The following LMO7 variants were observed in gnomAD, a reference collection of about 807,000 sequenced individuals.
LMO7 encodes the protein LIM domain only protein 7.
A neutral mutation model predicts 206.5 loss-of-function variants in LMO7; 120 were observed. That is an observed-to-expected ratio of 0.58 (90% CI 0.50 to 0.68). LMO7 has a LOEUF of 0.68. Among genes scored for constraint, LMO7 ranks in the 30% least tolerant of loss-of-function variants. The pLI is 0.00. For missense variants in LMO7, 1,959 were observed against 1,957.9 expected (o/e 1.00, Z -0.01); for synonymous variants, 706 against 681.5 (o/e 1.04, Z -0.56).
intron 2 of LMO7, among the ~76,000 whole-genome samples, chr13:75,624,769 G>C (rs1439225753): frequency 6.6e-6 from 1 of 152,128 alleles, no homozygotes; most frequent in Non-Finnish European, 1.5e-5. Flanking sequence ...GCACAAGAAA[G>C]ACCCACTCCC....
intron 1 of LMO7, among the ~76,000 whole-genome samples, chr13:75,712,066 G>T (rs1041986055): frequency 6.6e-6 from 1 of 152,132 alleles, no homozygotes; most frequent in Non-Finnish European, 1.5e-5. Context: ...TAGCTGCAGC[G>T]ATGTTGGGCA....
At chr13:75,856,461 C>T in intron 29 of LMO7, 45 bp from the exon 30 acceptor site, 1 of 1,210,824 alleles carries the variant, frequency 8.3e-7, no homozygotes, top group Non-Finnish European at 1.2e-6. Context: ...CCCAAGCTTT[C>T]TTGAGCTGAC....
intron 3 of LMO7, among the ~76,000 whole-genome samples, chr13:75,733,883 C>T (rs2045538022): frequency 6.6e-6 from 1 of 152,216 alleles, no homozygotes; most frequent in Non-Finnish European, 1.5e-5. Flanking sequence ...TGTTCAGGGT[C>T]ACCTTCTGAA....
chr13:75,699,840 G>C (rs146264612), intron 1 of LMO7, among the ~76,000 whole-genome samples: 24 of 152,270 alleles, frequency 1.6e-4, no homozygotes, highest in African/African-American at 4.8e-4. Flanking sequence ...AATTCGCCAG[G>C]CTGGAATTTC....
intron 12 of LMO7, chr13:75,819,186 C>T: frequency 2.2e-6 from 1 of 455,962 alleles, no homozygotes; most frequent in Non-Finnish European, 3.8e-6. Flanking sequence ...TGGGGTCTAT[C>T]TTATTAGGTC....
chr13:75,698,394 C>T (rs1309040149), intron 1 of LMO7, among the ~76,000 whole-genome samples: 1 of 152,088 alleles, frequency 6.6e-6, no homozygotes, highest in Non-Finnish European at 1.5e-5. Context: ...CTTGAACCTC[C>T]TGGATTCAAG....
intron 26 of LMO7, among the ~76,000 whole-genome samples, chr13:75,848,750 T>A (rs755716068): frequency 6.6e-6 from 1 of 152,226 alleles, no homozygotes; most frequent in Non-Finnish European, 1.5e-5. Context: ...TATAATGACA[T>A]CTTTTCCTCC....
At chr13:75,678,118 T>C (rs938104048) in intron 1 of LMO7, among the ~76,000 whole-genome samples, 1 of 152,160 alleles carries the variant, frequency 6.6e-6, no homozygotes, top group African/African-American at 2.4e-5. Context: ...TGCATGTGTC[T>C]TTATAGCAGC....
At position 75,805,531 on chromosome 13, in the gene LMO7, G is replaced by T. The variant is rs1231989806; in HGVS notation, c.967G>T (p.Gly323Ter). 6.8e-6 allele frequency: 11 copies of T among 1,613,876 alleles called. No individual in the cohort carries two copies. The South Asian group carries it at 1.2e-4, about 18-fold the overall frequency. Residue 323 changes from glycine to a stop codon, truncating the protein, a stop_gained, in exon 9 of 31, where the codon GGA becomes TGA. Transcript: ENST00000377534. LOFTEE classifies it high-confidence loss of function. ...TNVENWPTVQ[G>*]TSKSSCYLEE... is the part of the protein sequence containing the mutation. ...TGTGGAGAACTGGCCAACTGTACAA[G>T]GAACTTCAAAGTCCTCTTGTTATTT... is the stretch of plus-strand genomic sequence containing the variant.
chr13:75,804,938 C>T, intron 8 of LMO7: 11 of 1,004,178 alleles, frequency 1.1e-5, no homozygotes, highest in Non-Finnish European at 1.2e-5. Context: ...ATCCAGCTTC[C>T]TCTCATGGGG....
chr13:75,639,076 C>G (rs1056292001), intron 1 of LMO7, among the ~76,000 whole-genome samples: 1 of 152,110 alleles, frequency 6.6e-6, no homozygotes, highest in Non-Finnish European at 1.5e-5. Flanking sequence ...ACCCCAAAGT[C>G]AACTCCAATA....
chr13:75,804,981 G>A, intron 8 of LMO7: 1 of 998,504 alleles, frequency 1.0e-6, no homozygotes, highest in African/African-American at 1.7e-5. Flanking sequence ...TTCGGACTCT[G>A]AGGATGAACG....
chr13:75,706,829 T>A (rs1042831936), intron 1 of LMO7, among the ~76,000 whole-genome samples: 2 of 152,156 alleles, frequency 1.3e-5, no homozygotes, highest in African/African-American at 4.8e-5. Context: ...TCTAATGTAG[T>A]TGAGTTACTC....
At chr13:75,672,383 A>G (rs1198750472) in intron 1 of LMO7, among the ~76,000 whole-genome samples, 2 of 151,974 alleles carry the variant, frequency 1.3e-5, no homozygotes, top group South Asian at 2.1e-4. Context: ...CTGGGATTAC[A>G]GGCATGTGCC....
rs768883595 is a variant in LMO7 at position 75,808,166 on chromosome 13, G to C, written c.1883G>C (p.Arg628Thr). Residue 628 changes from arginine to threonine, a missense_variant, in exon 10 of 31, where the codon AGA becomes ACA. Physicochemically the swap from Arg to Thr is moderately conservative, Grantham distance 71. Transcript: ENST00000377534. ...TGGGAGGCCATCCGGGAGGCCAGCA[G>C]ACTTAGGCACAAGAAAAGGCTGATG... ...KRWEAIREAS[R>T]LRHKKRLMVE... 10 of 1,613,414 alleles carry C rather than the reference G, an allele frequency of 6.2e-6. No homozygotes were observed. Among genetic ancestry groups the C allele is most frequent in the Non-Finnish European group, 8.5e-6 (10 of 1,179,562 alleles).
intron 3 of LMO7, among the ~76,000 whole-genome samples, chr13:75,731,515 A>G (rs1317252651): frequency 6.6e-6 from 1 of 151,970 alleles, no homozygotes; most frequent in East Asian, 1.9e-4. Context: ...TTTTGAGCCT[A>G]TGTGTGTCTC....
chr13:75,729,889 G>A lies in LMO7; in HGVS notation c.210+2791G>A, dbSNP rs1243647587. Among the ~76,000 whole-genome samples the A allele has an allele frequency of 2.6e-3, 395 of 151,248 alleles. 3 individuals are homozygous for A. The highest frequency in any genetic ancestry group is 9.3e-3 in the African/African-American group (380 of 40,934). ...TTTCTGCATCTATTGAGATAATCAT[G>A]TGGTTTTTGTCTTTGGTTCTGTTTA... On this transcript the variant is annotated intron_variant, in intron 3 of 30. Coordinates refer to ENST00000377534, the MANE Select transcript of LMO7 (RefSeq NM_001306080.2).
chr13:75,727,122 A>G lies in LMO7; in HGVS notation c.210+24A>G, dbSNP rs200412226. On this transcript the variant is annotated intron_variant, in intron 3 of 30. Transcript: ENST00000377534. ...TGGTAAGTAGTAAATTATCTTCACA[A>G]CTAAATTTATTTGTCTTTGAAATGT... 4.2e-6 allele frequency: 6 copies of G among 1,416,602 alleles called. No individual in the cohort carries two copies. The African/African-American group carries it at 5.6e-5, about 13-fold the overall frequency. 87.8% of individuals were successfully genotyped at this position (1,416,602 alleles called of 1,614,324 possible). A position where few individuals can be genotyped will look rare whatever the true frequency, so the allele number is the denominator to read the frequency against.
chr13:75,767,959 A>G (rs2049117545), intron 4 of LMO7, among the ~76,000 whole-genome samples: 1 of 152,096 alleles, frequency 6.6e-6, no homozygotes, highest in African/African-American at 2.4e-5. Flanking sequence ...AAACCCTGGT[A>G]ATAGTAAATT....
Sources: gnomAD v4.1 joint callset for allele counts (sites outside exome capture counted in the v4.1 genomes callset) on GRCh38, gnomAD v4.1.1 for gene constraint, MANE v1.5 for transcripts, NCBI Gene and HGNC (gene_info 2026-07-23, HGNC 2026-07-21) for gene names.